GSPT1: variants seen among roughly 807,000 people sequenced by gnomAD.
GSPT1 encodes G1 to S phase transition 1, also known as eukaryotic peptide chain release factor GTP-binding subunit ERF3A.
In GSPT1, 20 loss-of-function variants were observed where a neutral mutation model predicts 72.5. The ratio of observed to expected loss-of-function variants is 0.28; its 90% confidence interval spans 0.19 to 0.40. The LOEUF is 0.40. Ranked by LOEUF, GSPT1 falls within the 10% of genes least tolerant of loss-of-function variation. GSPT1 has a pLI of 1.00. For synonymous variants in GSPT1, 334 were observed against 293.5 expected, an observed-to-expected ratio of 1.14 and a Z score of -1.41; for missense variants, 580 against 811.9, an observed-to-expected ratio of 0.71 and a Z score of 3.47.
intron 11 of GSPT1, among the ~76,000 whole-genome samples, chr16:11,878,838 G>A (rs2054081111): frequency 6.6e-6 from 1 of 152,062 alleles, no homozygotes; most frequent in East Asian, 1.9e-4. Flanking sequence ...GGCCGAGGCG[G>A]GTGATCACCT....
chr16:11,914,819 A>C (rs1290786215), intron 1 of GSPT1, among the ~76,000 whole-genome samples: 1 of 152,192 alleles, frequency 6.6e-6, no homozygotes. Context: ...CAAGGCTGCA[A>C]TGCATCTTGG....
intron 4 of GSPT1, chr16:11,895,546 A>AGCAAAAG (rs1473549930): frequency 6.6e-6 from 1 of 152,442 alleles, no homozygotes; most frequent in African/African-American, 2.4e-5. Flanking sequence ...AGTTTCCAAG[A>AGCAAAAG]GCAAAAGCAG....
At chr16:11,891,016 C>G in intron 6 of GSPT1, 46 bp downstream of exon 6, 1 of 832,064 alleles carries the variant, frequency 1.2e-6, no homozygotes, top group East Asian at 2.7e-5. Context: ...AAGTGGGCAT[C>G]GTCTCCTTAA....
chr16:11,901,720 T>G (rs1413846687), intron 1 of GSPT1, among the ~76,000 whole-genome samples: 1 of 150,974 alleles, frequency 6.6e-6, no homozygotes, highest in Non-Finnish European at 1.5e-5. Flanking sequence ...TGAGCCCAGG[T>G]AGCAGAGGTC....
chr16:11,875,691 T>G, intron 14 of GSPT1, 70 bp downstream of exon 14: 6 of 1,096,096 alleles, frequency 5.5e-6, no homozygotes, highest in Non-Finnish European at 6.7e-6. Context: ...TGTACTGTAC[T>G]GAGATGATGA....
At chr16:11,897,558 C>G (rs2054355771) in intron 3 of GSPT1, among the ~76,000 whole-genome samples, 1 of 152,142 alleles carries the variant, frequency 6.6e-6, no homozygotes, top group Non-Finnish European at 1.5e-5. Flanking sequence ...ACACTCCAGC[C>G]TGGGCGACAG....
At chr16:11,878,819 A>G (rs1463388653) in intron 11 of GSPT1, among the ~76,000 whole-genome samples, 1 of 151,884 alleles carries the variant, frequency 6.6e-6, no homozygotes, top group African/African-American at 2.4e-5. Flanking sequence ...ACGCCTCAGC[A>G]TTTTGGGAGG....
chr16:11,896,883 G>T, intron 3 of GSPT1, 98 bp from the exon 4 acceptor site: 1 of 795,066 alleles, frequency 1.3e-6, no homozygotes, highest in Non-Finnish European at 2.0e-6. Context: ...GTTTGCATAT[G>T]TAGTTCCATT....
chr16:11,881,535 ACTAT>A (rs1217598693), intron 11 of GSPT1: 2 of 151,844 alleles, frequency 1.3e-5, no homozygotes, highest in Admixed American at 6.6e-5. Flanking sequence ...AATCAATACC[ACTAT>A]CTAATTCTAA....
chr16:11,906,476 A>T (rs57455904), intron 1 of GSPT1, among the ~76,000 whole-genome samples: 3 of 152,056 alleles, frequency 2.0e-5, no homozygotes, highest in Non-Finnish European at 4.4e-5. Flanking sequence ...ACAAAAAAAA[A>T]TGTAAAAATG....
Position 11,871,222 on chromosome 16 carries a change from C to G in GSPT1, c.*1897G>C, listed in dbSNP as rs2053974655. On this transcript the variant is annotated 3_prime_UTR_variant, in exon 15 of 15. Coordinates refer to ENST00000434724, the MANE Select transcript of GSPT1 (RefSeq NM_002094.4). ...GAATCTGTAGGACAATAACTTTGCT[C>G]TGTCCATAAGATGTAGCCTCATTCA... 6.6e-6 allele frequency: 1 copy of G among 152,158 alleles called. No individual in the cohort carries two copies. The highest frequency in any genetic ancestry group is 2.4e-5 in the African/African-American group (1 of 41,442). 9.4% of individuals were successfully genotyped at this position (152,158 alleles called of 1,614,324 possible).
At chr16:11,906,482 A>T (rs1434128616) in intron 1 of GSPT1, among the ~76,000 whole-genome samples, 3 of 152,122 alleles carry the variant, frequency 2.0e-5, no homozygotes, top group Non-Finnish European at 2.9e-5. Flanking sequence ...AAAAATGTAA[A>T]AATGAGCCAG....
rs1281135698 is a variant in GSPT1 at position 11,873,178 on chromosome 16, A to T, written c.1862-7T>A. 6.6e-7 allele frequency: 1 copy of T among 1,517,932 alleles called. No individual in the cohort carries two copies. The highest frequency in any genetic ancestry group is 1.7e-5 in the Admixed American group (1 of 58,830). The allele number at this position is 1,517,932 out of a possible 1,614,324, so 94.0% of individuals were successfully genotyped here. A position where few individuals can be genotyped will look rare whatever the true frequency, so the allele number is the denominator to read the frequency against. On this transcript the variant is annotated splice_region_variant and splice_polypyrimidine_tract_variant and intron_variant, in intron 14 of 14. Transcript: ENST00000434724. ...CCAATTGCAATGGTCTTACCTAGAAATGAAATTTTAAAAAAATCTTTCAGT... is the reference window on the plus strand; with the variant it reads ...CCAATTGCAATGGTCTTACCTAGAATTGAAATTTTAAAAAAATCTTTCAGT...
intron 1 of GSPT1, among the ~76,000 whole-genome samples, chr16:11,911,680 G>A (rs1009046342): frequency 2.0e-5 from 3 of 150,818 alleles, no homozygotes; most frequent in Non-Finnish European, 4.4e-5. Flanking sequence ...AGCCTCCCCA[G>A]TAGCTGGGAC....
At chr16:11,887,014 A>G in intron 7 of GSPT1, 83 bp from the exon 8 acceptor site, 1 of 971,336 alleles carries the variant, frequency 1.0e-6, no homozygotes, top group Non-Finnish European at 1.5e-6. Context: ...TTTCAGTTAT[A>G]TCACGAGTTT....
At chr16:11,914,953 C>G (rs1044046028) in intron 1 of GSPT1, 8 of 1,196,708 alleles carry the variant, frequency 6.7e-6, no homozygotes, top group East Asian at 1.1e-4. Context: ...CTCGGCCATT[C>G]GTCCTCCCCA....
chr16:11,915,738 G>T lies in GSPT1; in HGVS notation c.-18C>A. 1 of 1,533,664 alleles carries T rather than the reference G, an allele frequency of 6.5e-7. No homozygotes were observed. On this transcript the variant is annotated 5_prime_UTR_variant, in exon 1 of 15. Transcript: ENST00000434724. ...GGATCCATGATCGGGGGGGCCGTGT[G>T]TGTGGTGGACAGAGAGCGGGAAATG...
At chr16:11,887,247 A>G (rs1035573187) in intron 7 of GSPT1, among the ~76,000 whole-genome samples, 8 of 152,190 alleles carry the variant, frequency 5.3e-5, no homozygotes, top group Non-Finnish European at 1.2e-4. Context: ...GCGCAAAATG[A>G]CTGAAGACCG....
intron 4 of GSPT1, among the ~76,000 whole-genome samples, chr16:11,895,819 G>A (rs1341116585): frequency 6.6e-6 from 1 of 152,168 alleles, no homozygotes; most frequent in Non-Finnish European, 1.5e-5. Context: ...TAGAGACGGG[G>A]TTTCACCATG....
Sources: gnomAD v4.1 joint callset for allele counts (sites outside exome capture counted in the v4.1 genomes callset) on GRCh38, gnomAD v4.1.1 for gene constraint, MANE v1.5 for transcripts, NCBI Gene and HGNC (gene_info 2026-07-23, HGNC 2026-07-21) for gene names.